The following SLC37A1 variants were observed in gnomAD, a reference collection of about 807,000 sequenced individuals.
SLC37A1 encodes solute carrier family 37 member 1.
In SLC37A1, 49 loss-of-function variants were observed where a neutral mutation model predicts 75.3. That is an observed-to-expected ratio of 0.65 (90% CI 0.52 to 0.83). The LOEUF is 0.83. Among genes scored for constraint, SLC37A1 ranks in the 40% least tolerant of loss-of-function variants. The probability of loss-of-function intolerance (pLI) is 0.00; values close to 1 mark genes in which losing one functional copy is unlikely to be tolerated. For missense variants in SLC37A1, 566 were observed against 695.0 expected (o/e 0.81, Z 2.09); for synonymous variants, 268 against 292.1 (o/e 0.92, Z 0.84).
At chr21:42,536,742 A>T (rs1387469217) in intron 5 of SLC37A1, among the ~76,000 whole-genome samples, 1 of 152,182 alleles carries the variant, frequency 6.6e-6, no homozygotes, top group Non-Finnish European at 1.5e-5. Context: ...ACGTTGCTTT[A>T]TAGCAACCAG....
At position 42,554,138 on chromosome 21, in the gene SLC37A1, C is replaced by T; in HGVS notation, c.845C>T (p.Pro282Leu). 1 of 1,613,292 alleles carries T rather than the reference C, an allele frequency of 6.2e-7. No homozygotes were observed. Among genetic ancestry groups the T allele is most frequent in the Non-Finnish European group, 8.5e-7 (1 of 1,179,704 alleles). Residue 282 changes from proline (P) to leucine (L), a missense_variant, in exon 10 of 20, where the codon CCT (proline) becomes CTT (leucine). Pro to Leu is a moderately conservative substitution (Grantham distance 98). Transcript: ENST00000352133. ...KQILKSEKNK[P>L]LDPEMQCLLL... The stretch of plus-strand genomic sequence containing the variant: ...ATCTTGAAGAGCGAAAAGAACAAGC[C>T]TCTGGTAAGTCACACACAACTTCCA...
At chr21:42,506,704 G>C (rs1023378820) in intron 2 of SLC37A1, among the ~76,000 whole-genome samples, 4 of 152,124 alleles carry the variant, frequency 2.6e-5, no homozygotes, top group African/African-American at 9.7e-5. Flanking sequence ...GGAGAGTAAA[G>C]TGACTTTCAC....
At chr21:42,526,109 TTAGC>T in intron 3 of SLC37A1, 1 of 421,610 alleles carries the variant, frequency 2.4e-6, no homozygotes, top group Non-Finnish European at 4.2e-6. Flanking sequence ...ATTTGAAAGC[TTAGC>T]TAAATATTTA....
At chr21:42,560,198 A>G (rs1371785316) in intron 11 of SLC37A1, among the ~76,000 whole-genome samples, 2 of 152,232 alleles carry the variant, frequency 1.3e-5, no homozygotes, top group Non-Finnish European at 2.9e-5. Flanking sequence ...GGACTCTCTC[A>G]GCAGAGAATC....
intron 3 of SLC37A1, among the ~76,000 whole-genome samples, chr21:42,531,997 G>A (rs2054995646): frequency 6.6e-6 from 1 of 152,152 alleles, no homozygotes; most frequent in Non-Finnish European, 1.5e-5. Flanking sequence ...GGGCCAGAGA[G>A]GCACACTCCG....
chr21:42,554,604 C>T (rs920851683), intron 10 of SLC37A1, among the ~76,000 whole-genome samples: 11 of 150,668 alleles, frequency 7.3e-5, no homozygotes, highest in African/African-American at 2.7e-4. Flanking sequence ...GAGGGGCGCA[C>T]GGTGGGCTGG....
At chr21:42,558,021 A>G (rs574698907) in intron 10 of SLC37A1, among the ~76,000 whole-genome samples, 43 of 152,310 alleles carry the variant, frequency 2.8e-4, no homozygotes, top group African/African-American at 7.9e-4. Context: ...AGCTCACTGC[A>G]GCCTCCACCT....
At chr21:42,549,901 A>G (rs1601728017) in intron 9 of SLC37A1, among the ~76,000 whole-genome samples, 2 of 152,362 alleles carry the variant, frequency 1.3e-5, no homozygotes, top group East Asian at 3.9e-4. Flanking sequence ...GGTAAAAATA[A>G]CAGCATAACG....
intron 6 of SLC37A1, among the ~76,000 whole-genome samples, 160 bp downstream of exon 6, chr21:42,539,807 C>T (rs2055230058): frequency 6.6e-6 from 1 of 152,162 alleles, no homozygotes; most frequent in African/African-American, 2.4e-5. Context: ...TTCCCTTTCT[C>T]TTCTGCTTAG....
At chr21:42,562,057 C>A (rs1210998934) in intron 11 of SLC37A1, 21 bp from the exon 12 acceptor site, 1 of 1,608,276 alleles carries the variant, frequency 6.2e-7, no homozygotes. Flanking sequence ...GGAGGAGACG[C>A]CTGACTGCTC....
intron 1 of SLC37A1, among the ~76,000 whole-genome samples, chr21:42,517,648 T>A (rs2054547869): frequency 1.3e-5 from 2 of 152,140 alleles, no homozygotes; most frequent in African/African-American, 4.8e-5. Context: ...TTCTCTGGCC[T>A]CCCTCCCCAT....
intron 2 of SLC37A1, among the ~76,000 whole-genome samples, chr21:42,506,395 A>G (rs2054384404): frequency 6.6e-6 from 1 of 152,232 alleles, no homozygotes; most frequent in Non-Finnish European, 1.5e-5. Flanking sequence ...AGCTCCTGAT[A>G]TGAATCCTAG....
chr21:42,537,603 TA>T (rs1342655871), intron 5 of SLC37A1, among the ~76,000 whole-genome samples: 2 of 152,178 alleles, frequency 1.3e-5, no homozygotes, highest in African/African-American at 4.8e-5. Context: ...AGGGTGCTGC[TA>T]AACATCCTAC....
At chr21:42,534,002 T>C (rs2146831943) in intron 3 of SLC37A1, among the ~76,000 whole-genome samples, 1 of 152,340 alleles carries the variant, frequency 6.6e-6, no homozygotes. Flanking sequence ...TATACAAATC[T>C]TCAGTGTACA....
At chr21:42,563,581 C>T (rs2055892419) in intron 12 of SLC37A1, among the ~76,000 whole-genome samples, 1 of 152,178 alleles carries the variant, frequency 6.6e-6, no homozygotes, top group Non-Finnish European at 1.5e-5. Flanking sequence ...GTCTCTGAAC[C>T]AAAGGTGGGA....
chr21:42,570,304 G>A (rs1337381631), intron 17 of SLC37A1, among the ~76,000 whole-genome samples: 2 of 109,328 alleles, frequency 1.8e-5, no homozygotes, highest in East Asian at 2.0e-4. Context: ...ACACGGCCTG[G>A]TTCTGAGAAG....
intron 10 of SLC37A1, among the ~76,000 whole-genome samples, chr21:42,558,347 ACTC>A (rs2055742546): frequency 6.6e-6 from 1 of 152,194 alleles, no homozygotes; most frequent in African/African-American, 2.4e-5. Flanking sequence ...GCCATTGTGA[ACTC>A]CTAAAAAATG....
chr21:42,521,202 T>C (rs777008330), intron 2 of SLC37A1, among the ~76,000 whole-genome samples: 45 of 151,820 alleles, frequency 3.0e-4, no homozygotes, highest in Non-Finnish European at 4.7e-4. Context: ...CGTAGTGGTT[T>C]CACTGAGGAA....
In SLC37A1 at chr21:42,543,320, C is replaced by T. The variant is rs1171427381; in HGVS notation, c.564-116C>T. ...TGGCACAGAAGCAGGGTCTGCATGG[C>T]CCCCCGTTGATTCTGCGCCGACTCC... On this transcript the variant is annotated intron_variant, in intron 7 of 19. Coordinates refer to ENST00000352133, the MANE Select transcript of SLC37A1 (RefSeq NM_001320537.2). 8 of 1,156,590 alleles carry T rather than the reference C, an allele frequency of 6.9e-6. No homozygotes were observed. In the East Asian group the frequency reaches 1.2e-4, roughly 17 times the overall value. 71.6% of individuals were successfully genotyped at this position (1,156,590 alleles called of 1,614,324 possible). A position where few individuals can be genotyped will look rare whatever the true frequency, so the allele number is the denominator to read the frequency against.
Sources: gnomAD v4.1 joint callset for allele counts (sites outside exome capture counted in the v4.1 genomes callset) on GRCh38, gnomAD v4.1.1 for gene constraint, MANE v1.5 for transcripts, NCBI Gene and HGNC (gene_info 2026-07-23, HGNC 2026-07-21) for gene names.